PISD: variants seen among roughly 807,000 people sequenced by gnomAD.
PISD encodes the protein phosphatidylserine decarboxylase proenzyme, mitochondrial.
In PISD, 31 loss-of-function variants were observed where a neutral mutation model predicts 43.5. The observed-to-expected ratio is 0.71, with a 90% confidence interval of 0.54 to 0.96. The LOEUF is 0.96. PISD is among the 40% of genes least tolerant of loss of function. PISD has a pLI of 0.00. For synonymous variants in PISD, 259 were observed against 228.7 expected, an observed-to-expected ratio of 1.13 and a Z score of -1.20; for missense variants, 523 against 548.4, an observed-to-expected ratio of 0.95 and a Z score of 0.46.
intron 3 of PISD, chr22:31,638,648 TA>T: frequency 1.0e-6 from 1 of 984,464 alleles, no homozygotes; most frequent in Admixed American, 6.2e-5. Context: ...TCTCTACTAC[TA>T]GCTAATGGTT....
At chr22:31,631,502 C>G (rs1016537145) in intron 3 of PISD, among the ~76,000 whole-genome samples, 13 of 152,172 alleles carry the variant, frequency 8.5e-5, no homozygotes, top group Non-Finnish European at 1.9e-4. Context: ...AAACAAGGTC[C>G]GACCGCCCCA....
Position 31,619,775 on chromosome 22 carries a change from G to A in PISD, c.1067C>T (p.Thr356Met), listed in dbSNP as rs769287992. 3.7e-6 allele frequency: 6 copies of A among 1,614,196 alleles called. No individual in the cohort carries two copies. The highest frequency in any genetic ancestry group is 1.1e-5 in the South Asian group (1 of 91,078). Residue 356 changes from threonine (T) to methionine (M), a missense_variant, in exon 8 of 8, where the codon ACG becomes ATG. Physicochemically the swap from Thr to Met is moderately conservative, Grantham distance 81. Transcript: ENST00000439502. ...GGGGACGCCCTCTCTATTGGTGTGC[G>A]TCACGAAGCTGAAGTCATTGTAGGA... ...KGSYNDFSFV[T>M]HTNREGVPMR...
rs562288889 is a variant in PISD, at chr22:31,634,741, G to A, written c.322-12856C>T. On this transcript the variant is annotated intron_variant, in intron 3 of 7. Transcript: ENST00000439502. ...TAATCCCAGCTACTCGGGAGGCTGA[G>A]GTGGGAGAATCGCTTGAACCTAGGA... Among the ~76,000 whole-genome samples the A allele has an allele frequency of 3.2e-3, 487 of 151,110 alleles. 2 individuals carry two copies. Among genetic ancestry groups the A allele is most frequent in the African/African-American group, 0.012 (475 of 41,082 alleles).
At chr22:31,626,842 C>T (rs1018272204) in intron 3 of PISD, among the ~76,000 whole-genome samples, 1 of 152,358 alleles carries the variant, frequency 6.6e-6, no homozygotes, top group Admixed American at 6.5e-5. Context: ...TATGGGCTGA[C>T]AGGGAGCCCA....
At chr22:31,632,385 C>G (rs116520767) in intron 3 of PISD, 2 of 200,162 alleles carry the variant, frequency 1.0e-5, no homozygotes, top group African/African-American at 4.7e-5. Context: ...GTGGCAGATA[C>G]CTTATACAAA....
intron 3 of PISD, chr22:31,629,592 G>A (rs1364467765): frequency 1.4e-5 from 2 of 142,850 alleles, no homozygotes; most frequent in East Asian, 2.2e-4. Context: ...GTGTGTAGGT[G>A]CAAGGGGTGT....
chr22:31,648,417 C>T (rs1327192467), intron 2 of PISD, 141 bp from the exon 3 acceptor site: 13 of 657,102 alleles, frequency 2.0e-5, no homozygotes, highest in Non-Finnish European at 3.1e-5. Context: ...ATGGCTCACG[C>T]CTGTAATCTC....
At chr22:31,653,108 T>C (rs950101379) in intron 1 of PISD, among the ~76,000 whole-genome samples, 3 of 150,114 alleles carry the variant, frequency 2.0e-5, no homozygotes, top group Non-Finnish European at 4.4e-5. Flanking sequence ...ATGATGAATC[T>C]GATTCTCCTA....
Position 31,630,717 on chromosome 22 carries a change from G to A in PISD, c.322-8832C>T, listed in dbSNP as rs1218534682. 2 of 985,050 alleles carry A rather than the reference G, an allele frequency of 2.0e-6. No individual in the cohort carries two copies. Among genetic ancestry groups the A allele is most frequent in the Non-Finnish European group, 2.4e-6 (2 of 829,698 alleles). 61.0% of individuals were successfully genotyped at this position (985,050 alleles called of 1,614,324 possible). On this transcript the variant is annotated intron_variant, in intron 3 of 7. Transcript: ENST00000439502. The surrounding 1 kb of genome is among the most constrained non-coding windows in gnomAD (Gnocchi z 4.4). ...AGAAGGGCACCCCCACCCGGCACTGGCCCTCTGAGCGGGCAGGGTGGGGCG... is the reference window on the plus strand; with the variant it reads ...AGAAGGGCACCCCCACCCGGCACTGACCCTCTGAGCGGGCAGGGTGGGGCG...
At chr22:31,623,843 G>A (rs1569482194) in intron 3 of PISD, 3 of 1,613,024 alleles carry the variant, frequency 1.9e-6, no homozygotes, top group Non-Finnish European at 1.7e-6. Context: ...GCTGGGGGAA[G>A]TGCAACCTGC....
intron 3 of PISD, chr22:31,625,958 C>T (rs980408836): frequency 6.8e-6 from 10 of 1,480,070 alleles, no homozygotes; most frequent in Middle Eastern, 1.8e-4. Flanking sequence ...TTGGTGGCGC[C>T]GCTTCCTGGG....
intron 1 of PISD, 123 bp from the exon 2 acceptor site, chr22:31,650,901 A>C: frequency 1.7e-6 from 1 of 594,714 alleles, no homozygotes; most frequent in Non-Finnish European, 3.0e-6. Context: ...GGTTTTGACA[A>C]CTGTACTGTA....
intron 1 of PISD, among the ~76,000 whole-genome samples, chr22:31,655,319 T>TC (rs974352541): frequency 2.0e-5 from 3 of 151,360 alleles, no homozygotes; most frequent in Non-Finnish European, 4.4e-5. Flanking sequence ...CAACCCCCTT[T>TC]TTTTTTTTTT....
chr22:31,637,399 T>C lies in PISD; in HGVS notation c.321+10702A>G, dbSNP rs2073541236. Among the ~76,000 whole-genome samples the C allele has an allele frequency of 2.0e-5, 3 of 151,422 alleles. No homozygotes were observed. The South Asian group carries it at 6.2e-4, about 31-fold the overall frequency. On this transcript the variant is annotated intron_variant, in intron 3 of 7. Coordinates refer to ENST00000439502, the MANE Select transcript of PISD (RefSeq NM_001326411.2). ...TTGTGTTTTTTGTTTGTTTTTGTTT[T>C]TTTTTAAAAGAGGTTACATATTTAC...
At chr22:31,622,975 C>G (rs2072667530) in intron 3 of PISD, among the ~76,000 whole-genome samples, 1 of 152,252 alleles carries the variant, frequency 6.6e-6, no homozygotes, top group Non-Finnish European at 1.5e-5. Context: ...CTTATCCCTT[C>G]CAGCTGATGC....
At chr22:31,631,079 C>T (rs2086825396) in intron 3 of PISD, among the ~76,000 whole-genome samples, 1 of 152,232 alleles carries the variant, frequency 6.6e-6, no homozygotes, top group Admixed American at 6.5e-5. Flanking sequence ...GTCACTGTCA[C>T]GGGAGGACCC....
intron 3 of PISD, among the ~76,000 whole-genome samples, chr22:31,636,265 G>A (rs1376453670): frequency 6.6e-6 from 1 of 152,118 alleles, no homozygotes. Flanking sequence ...TTGATGAATT[G>A]GAATACTGTA....
intron 3 of PISD, among the ~76,000 whole-genome samples, chr22:31,637,025 C>T (rs568754861): frequency 2.0e-5 from 3 of 150,282 alleles, no homozygotes; most frequent in Admixed American, 6.7e-5. Flanking sequence ...CAGTAGCTCA[C>T]GCCTATAATT....
intron 3 of PISD, among the ~76,000 whole-genome samples, chr22:31,647,159 TACTCCTAGATAA>T (rs2073909238): frequency 6.6e-6 from 1 of 152,126 alleles, no homozygotes. Flanking sequence ...TGGCAGCAAA[TACTCCTAGATAA>T]ACTGTTAGAG....
Sources: allele counts gnomAD v4.1 joint callset (sites outside exome capture counted in the v4.1 genomes callset), GRCh38; gene constraint gnomAD v4.1.1; non-coding constraint Gnocchi (gnomAD v3.1); transcripts MANE v1.5; gene names NCBI Gene and HGNC (gene_info 2026-07-23, HGNC 2026-07-21).